MAPK10: variants seen among roughly 807,000 people sequenced by gnomAD.
The protein encoded by MAPK10 is mitogen-activated protein kinase 10.
In MAPK10, 25 loss-of-function variants were observed where a neutral mutation model predicts 59.3. The ratio of observed to expected loss-of-function variants is 0.42; its 90% CI spans 0.31 to 0.59. MAPK10 has a LOEUF of 0.59. Ranked by LOEUF, MAPK10 falls within the 20% of genes least tolerant of loss-of-function variation. The pLI is 0.15. For synonymous variants in MAPK10, 190 were observed against 200.5 expected (o/e 0.95, Z 0.44); for missense variants, 351 against 568.9 (o/e 0.62, Z 3.90).
intron 1 of MAPK10, among the ~76,000 whole-genome samples, chr4:86,553,491 C>T (rs972753403): frequency 4.6e-5 from 7 of 152,144 alleles, no homozygotes; most frequent in South Asian, 2.1e-4. Flanking sequence ...GACATGAAGC[C>T]ACTCTCTCCT....
chr4:86,586,398 CCT>C (rs1762653077), intron 1 of MAPK10, among the ~76,000 whole-genome samples: 2 of 152,148 alleles, frequency 1.3e-5, no homozygotes, highest in Admixed American at 6.5e-5. Flanking sequence ...CCACCAAATT[CCT>C]CTCTCTGTCT....
intron 4 of MAPK10, among the ~76,000 whole-genome samples, chr4:86,131,360 A>G (rs1004954240): frequency 2.6e-5 from 4 of 152,190 alleles, no homozygotes; most frequent in African/African-American, 9.6e-5. Flanking sequence ...ATGAAGAATT[A>G]TTACTGCAGA....
intron 2 of MAPK10, among the ~76,000 whole-genome samples, chr4:86,348,736 C>T (rs963885200): frequency 3.3e-5 from 5 of 152,180 alleles, no homozygotes; most frequent in African/African-American, 1.2e-4. Context: ...GCCTTCAGTA[C>T]AACTTACAAA....
chr4:86,380,871 A>AC (rs1740595716), intron 1 of MAPK10, among the ~76,000 whole-genome samples: 2 of 151,604 alleles, frequency 1.3e-5, no homozygotes, highest in South Asian at 2.1e-4. Flanking sequence ...AAAAAAAAAA[A>AC]AAAACACTGG....
chr4:86,546,913 G>A (rs1247556069), intron 1 of MAPK10, among the ~76,000 whole-genome samples: 1 of 152,100 alleles, frequency 6.6e-6, no homozygotes, highest in Non-Finnish European at 1.5e-5. Flanking sequence ...AAAATTAGCT[G>A]GGCGTGGTGG....
intron 1 of MAPK10, among the ~76,000 whole-genome samples, chr4:86,482,212 G>A (rs535633202): frequency 1.3e-5 from 2 of 152,130 alleles, no homozygotes; most frequent in African/African-American, 2.4e-5. Flanking sequence ...TCATTTGTAG[G>A]GGAACAGGAC....
intron 9 of MAPK10, among the ~76,000 whole-genome samples, chr4:86,074,327 T>G (rs1379980715): frequency 6.7e-6 from 1 of 149,458 alleles, no homozygotes; most frequent in Non-Finnish European, 1.5e-5. Flanking sequence ...AGCACACTGA[T>G]GGATCTTGAC....
intron 2 of MAPK10, chr4:86,300,958 T>A (rs2095461144): frequency 6.6e-6 from 1 of 151,044 alleles, no homozygotes; most frequent in Non-Finnish European, 1.5e-5. Flanking sequence ...AAAAAGGAGA[T>A]AAGGAAGGCA....
At chr4:86,550,027 G>A (rs1759632663) in intron 1 of MAPK10, among the ~76,000 whole-genome samples, 2 of 152,096 alleles carry the variant, frequency 1.3e-5, no homozygotes, top group African/African-American at 4.8e-5. Context: ...TAGCTTTCAA[G>A]TAACCATGAC....
intron 11 of MAPK10, among the ~76,000 whole-genome samples, chr4:86,061,191 T>G (rs1309007865): frequency 6.6e-6 from 1 of 152,134 alleles, no homozygotes; most frequent in Non-Finnish European, 1.5e-5. Context: ...GAGCAGAAAT[T>G]TAAACCTAAC....
At chr4:86,279,646 T>C (rs1039541049) in intron 2 of MAPK10, among the ~76,000 whole-genome samples, 1 of 152,148 alleles carries the variant, frequency 6.6e-6, no homozygotes, top group Non-Finnish European at 1.5e-5. Context: ...GCTGTTTCTC[T>C]CCCTTTGCTC....
chr4:86,020,471 T>C (rs7670470), intron 13 of MAPK10: 32,446 of 154,350 alleles, frequency 0.21, 4,159 homozygotes, highest in African/African-American at 0.35. Context: ...TGCTGGGGCA[T>C]AGAGTAATTC....
At chr4:86,313,887 G>T (rs1198492389) in intron 2 of MAPK10, among the ~76,000 whole-genome samples, 1 of 152,048 alleles carries the variant, frequency 6.6e-6, no homozygotes, top group African/African-American at 2.4e-5. Context: ...TTCACTGAAA[G>T]TCAAGTGCAA....
intron 11 of MAPK10, among the ~76,000 whole-genome samples, chr4:86,055,536 T>C (rs1561070501): frequency 6.7e-6 from 1 of 149,824 alleles, no homozygotes; most frequent in Non-Finnish European, 1.5e-5. Flanking sequence ...AAAAAAAATC[T>C]AAACAAGTAA....
At chr4:86,092,343 T>C (rs955853058) in intron 9 of MAPK10, among the ~76,000 whole-genome samples, 11 of 152,070 alleles carry the variant, frequency 7.2e-5, no homozygotes, top group African/African-American at 2.4e-4. Context: ...TGCCTAGAAA[T>C]GATAAGCTCT....
intron 2 of MAPK10, among the ~76,000 whole-genome samples, chr4:86,255,645 T>A (rs113750058): frequency 1.4e-4 from 21 of 152,356 alleles, no homozygotes; most frequent in African/African-American, 4.3e-4. Flanking sequence ...CAAGGTTCTG[T>A]TTAACTTTTT....
chr4:86,320,584 A>G lies in MAPK10; in HGVS notation c.-7+33946T>C, dbSNP rs186954089. Among the ~76,000 whole-genome samples, 187 of 152,336 alleles carry G rather than the reference A, an allele frequency of 1.2e-3. 3 individuals carry two copies. The highest frequency in any genetic ancestry group is 3.4e-3 in the African/African-American group (142 of 41,592). ...CCTTTGTCAGATGAGTAGGTTGCGAAAATTTTCTCCCATTTTGTAGGTTGC... is the reference window on the plus strand; with the variant it reads ...CCTTTGTCAGATGAGTAGGTTGCGAGAATTTTCTCCCATTTTGTAGGTTGC... On this transcript the variant is annotated intron_variant, in intron 2 of 13. Coordinates refer to ENST00000641462, the MANE Select transcript of MAPK10 (RefSeq NM_138982.4).
intron 2 of MAPK10, among the ~76,000 whole-genome samples, chr4:86,289,722 T>C (rs2095158453): frequency 6.6e-6 from 1 of 151,708 alleles, no homozygotes; most frequent in Non-Finnish European, 1.5e-5. Context: ...TCTTTAGTTT[T>C]ATATTCTTAG....
At chr4:86,555,190 G>A (rs1658201227) in intron 1 of MAPK10, among the ~76,000 whole-genome samples, 1 of 152,232 alleles carries the variant, frequency 6.6e-6, no homozygotes, top group Non-Finnish European at 1.5e-5. Context: ...GCTCATGCCT[G>A]TAATCCTAGC....
Sources: gnomAD v4.1 joint callset for allele counts (sites outside exome capture counted in the v4.1 genomes callset) on GRCh38, gnomAD v4.1.1 for gene constraint, MANE v1.5 for transcripts, NCBI Gene and HGNC (gene_info 2026-07-23, HGNC 2026-07-21) for gene names.